RPS10: variants seen among roughly 807,000 people sequenced by gnomAD.
The protein encoded by RPS10 is small ribosomal subunit protein eS10.
RPS10 carries 2 observed loss-of-function variants against 22.6 expected under a neutral mutation model. The ratio of observed to expected loss-of-function variants is 0.09; its 90% CI spans 0.04 to 0.28. RPS10 has a LOEUF of 0.28. RPS10 is among the 10% of genes least tolerant of loss of function. The pLI is 1.00. For synonymous variants in RPS10, 70 were observed against 75.9 expected, an observed-to-expected ratio of 0.92 and a Z score of 0.40; for missense variants, 137 against 222.2, an observed-to-expected ratio of 0.62 and a Z score of 2.44.
At chr6:34,421,708 T>C (rs772183026) in intron 4 of RPS10, 22 bp downstream of exon 4, 14 of 1,612,964 alleles carry the variant, frequency 8.7e-6, no homozygotes, top group African/African-American at 4.0e-5. Context: ...ACACCCCTAA[T>C]ATAGGTGATG....
chr6:34,420,599 G>A (rs1765727787), intron 4 of RPS10, among the ~76,000 whole-genome samples: 1 of 152,054 alleles, frequency 6.6e-6, no homozygotes, highest in Non-Finnish European at 1.5e-5. Context: ...ACCCTGTATG[G>A]TACTCAGGTC....
At chr6:34,421,894 T>G (rs1765781743) in intron 3 of RPS10, 87 bp from the exon 4 acceptor site, 1 of 1,465,402 alleles carries the variant, frequency 6.8e-7, no homozygotes, top group Admixed American at 1.7e-5. Flanking sequence ...GCTCTCCTGT[T>G]GTCACTCTCA....
chr6:34,425,284 A>C (rs1339581796), intron 1 of RPS10, 63 bp from the exon 2 acceptor site: 2 of 1,546,080 alleles, frequency 1.3e-6, no homozygotes, highest in Non-Finnish European at 1.7e-6. Flanking sequence ...CCGGTAATCA[A>C]GTTCTTGATC....
chr6:34,418,404 C>T lies in RPS10; in HGVS notation c.421G>A (p.Glu141Lys), dbSNP rs762252535. 1.2e-6 allele frequency: 2 copies of T among 1,614,152 alleles called. No homozygotes were observed. The highest frequency in any genetic ancestry group is 1.7e-6 in the Non-Finnish European group (2 of 1,180,018). Residue 141 changes from glutamate to lysine, a missense_variant, in exon 5 of 6, where the codon GAG becomes AAG. Transcript: ENST00000648437. ...AVPPGADKKAEAGAGSATEFQ... is the reference protein window; with the variant it reads ...AVPPGADKKAKAGAGSATEFQ... ...TCGGTTGCTGACCCAGCCCCAGCCT[C>T]GGCTTTCTTGTCGGCACCAGCTAGA...
chr6:34,418,327 A>T, intron 5 of RPS10, 42 bp downstream of exon 5: 1 of 1,613,974 alleles, frequency 6.2e-7, no homozygotes. Context: ...CTGAGGCCAG[A>T]ACAAGTGATG....
In RPS10 at chr6:34,418,823, C is replaced by T. The variant is rs529786272; in HGVS notation, c.401-399G>A. ...GGAGAAAAGCAGACAAGATGCTGCC[C>T]GGTCCTATATCCCAGTCACAGTTCA... is the stretch of plus-strand genomic sequence containing the variant. On this transcript the variant is annotated intron_variant, in intron 4 of 5. Transcript: ENST00000648437. 3.3e-3 allele frequency among the ~76,000 whole-genome samples: 500 copies of T among 152,268 alleles called. 4 individuals carry two copies. The highest frequency in any genetic ancestry group is 0.027 in the Middle Eastern group (8 of 294).
chr6:34,424,848 G>A lies in RPS10; in HGVS notation c.151-8C>T. 6.2e-7 allele frequency: 1 copy of A among 1,613,768 alleles called. No individual in the cohort carries two copies. The highest frequency in any genetic ancestry group is 1.1e-5 in the South Asian group (1 of 91,066). On this transcript the variant is annotated splice_polypyrimidine_tract_variant and splice_region_variant and intron_variant, in intron 2 of 5. Transcript: ENST00000648437. Reference sequence around the variant, plus strand: ...GCCTCGGGACTTGAGAGACTGTAAGGCAGAAAACTACTGTTAAGGCGTTAA... The same window carrying A: ...GCCTCGGGACTTGAGAGACTGTAAGACAGAAAACTACTGTTAAGGCGTTAA...
intron 1 of RPS10, 52 bp from the exon 2 acceptor site, chr6:34,425,273 C>G (rs1289918661): frequency 2.6e-6 from 4 of 1,556,046 alleles, no homozygotes; most frequent in Non-Finnish European, 3.5e-6. Context: ...GAGGCCGGGG[C>G]CCGGTAATCA....
chr6:34,419,987 A>G (rs765561867), intron 4 of RPS10, among the ~76,000 whole-genome samples: 23 of 152,030 alleles, frequency 1.5e-4, no homozygotes, highest in Non-Finnish European at 2.8e-4. Flanking sequence ...GCTCAAAACA[A>G]TCCTCTTGCC....
At chr6:34,420,260 G>A (rs1248192088) in intron 4 of RPS10, among the ~76,000 whole-genome samples, 1 of 152,100 alleles carries the variant, frequency 6.6e-6, no homozygotes, top group African/African-American at 2.4e-5. Flanking sequence ...CTGTTGCCCA[G>A]GGTGGAGTGC....
intron 3 of RPS10, chr6:34,424,163 A>AAAAAAAAAAC (rs1561939868): frequency 1.3e-5 from 2 of 150,930 alleles, no homozygotes; most frequent in Non-Finnish European, 2.9e-5. Flanking sequence ...AAAAAAAAAA[A>AAAAAAAAAAC]AGCAACTGTG....
Position 34,421,034 on chromosome 6 carries a change from A to AAAAC in RPS10, c.400+695_400+696insGTTT, listed in dbSNP as rs566261535. Among the ~76,000 whole-genome samples, 826 of 147,134 alleles carry AAAAC rather than the reference A, an allele frequency of 5.6e-3. 10 individuals are homozygous for AAAAC. The highest frequency in any genetic ancestry group is 0.02 in the African/African-American group (759 of 38,480). Reference sequence around the variant, plus strand: ...AATGAAAGAAAATTAAAAAAAAAAAAAAGTTGAATCCTATTATTCCTTTGC... The same window carrying AAAAC: ...AATGAAAGAAAATTAAAAAAAAAAAAAAACAAGTTGAATCCTATTATTCCTTTGC... On this transcript the variant is annotated intron_variant, in intron 4 of 5. Coordinates refer to ENST00000648437, the MANE Select transcript of RPS10 (RefSeq NM_001014.5).
chr6:34,425,548 G>C (rs2113806743), intron 1 of RPS10: 1 of 355,448 alleles, frequency 2.8e-6, no homozygotes. Context: ...GAGGCCATCA[G>C]CGACCGTACC....
chr6:34,425,056 C>T lies in RPS10; in HGVS notation c.150+16G>A. On this transcript the variant is annotated intron_variant, in intron 2 of 5. Coordinates refer to ENST00000648437, the MANE Select transcript of RPS10 (RefSeq NM_001014.5). ...GGGGAGGAAGATCCATCCCATCTTC[C>T]TCCTCACCCTCCTACCTGCATGGCC... 1.2e-6 allele frequency: 2 copies of T among 1,612,154 alleles called. No individual in the cohort carries two copies. Among genetic ancestry groups the T allele is most frequent in the Non-Finnish European group, 1.7e-6 (2 of 1,179,914 alleles).
At position 34,421,252 on chromosome 6, in the gene RPS10, C is replaced by T. The variant is rs183726914; in HGVS notation, c.400+478G>A. Among the ~76,000 whole-genome samples, 537 of 151,968 alleles carry T rather than the reference C, an allele frequency of 3.5e-3. 4 individuals are homozygous for T. Among genetic ancestry groups the T allele is most frequent in the Admixed American group, 7.5e-3 (115 of 15,252 alleles). Reference sequence around the variant, plus strand: ...TAGATCTAATACAATGGCATGATCTCGGCTCACTGCGGCCTCTGCCTCCCA... The same window carrying T: ...TAGATCTAATACAATGGCATGATCTTGGCTCACTGCGGCCTCTGCCTCCCA... On this transcript the variant is annotated intron_variant, in intron 4 of 5. Transcript: ENST00000648437.
chr6:34,420,660 G>A (rs1047655106), intron 4 of RPS10, among the ~76,000 whole-genome samples: 1 of 152,048 alleles, frequency 6.6e-6, no homozygotes, highest in African/African-American at 2.4e-5. Context: ...AGTGGTAGAA[G>A]TTAGTAAAAA....
At chr6:34,418,139 C>T in intron 5 of RPS10, 1 of 1,454,256 alleles carries the variant, frequency 6.9e-7, no homozygotes, top group Non-Finnish European at 9.1e-7. Flanking sequence ...ACAGAAAATA[C>T]TAGTAGGCCA....
At chr6:34,423,087 A>T (rs1336094039) in intron 3 of RPS10, among the ~76,000 whole-genome samples, 1 of 152,040 alleles carries the variant, frequency 6.6e-6, no homozygotes, top group Non-Finnish European at 1.5e-5. Flanking sequence ...AAACAAACAC[A>T]ATCAGTAACA....
intron 3 of RPS10, among the ~76,000 whole-genome samples, chr6:34,423,747 C>T (rs916435266): frequency 3.3e-5 from 5 of 151,954 alleles, no homozygotes; most frequent in Non-Finnish European, 5.9e-5. Context: ...AGCTGGGTGT[C>T]GCTCTGGGCG....
Sources: gnomAD v4.1 joint callset for allele counts (sites outside exome capture counted in the v4.1 genomes callset) on GRCh38, gnomAD v4.1.1 for gene constraint, MANE v1.5 for transcripts, NCBI Gene and HGNC (gene_info 2026-07-23, HGNC 2026-07-21) for gene names.